Variants in VSIG10 observed in about 807,000 individuals in gnomAD.
VSIG10 encodes the protein V-set and immunoglobulin domain containing 10, also known as V-set and immunoglobulin domain-containing protein 10.
A neutral mutation model predicts 58.7 loss-of-function variants in VSIG10; 48 were observed. The ratio of observed to expected loss-of-function variants is 0.82; its 90% CI spans 0.65 to 1.04. VSIG10 has a LOEUF of 1.04. VSIG10 is among the 50% of genes least tolerant of loss of function. VSIG10 has a pLI of 0.00. For missense variants in VSIG10, 628 were observed against 670.0 expected, an observed-to-expected ratio of 0.94 and a Z score of 0.69; for synonymous variants, 260 against 267.1, an observed-to-expected ratio of 0.97 and a Z score of 0.26.
chr12:118,081,035 G>A (rs748392664), intron 3 of VSIG10, among the ~76,000 whole-genome samples: 2 of 152,076 alleles, frequency 1.3e-5, no homozygotes, highest in Admixed American at 1.3e-4. Flanking sequence ...GAGCTCAGGA[G>A]TTTGAGGCTA....
chr12:118,095,729 G>C lies in VSIG10; in HGVS notation c.165C>G (p.Thr55=). The change falls in exon 2 of 9, where the codon ACC becomes ACG. Residue 55 remains threonine (T), a synonymous_variant. Transcript: ENST00000359236. ...GNISGLRGQV[T]WYRNNSEPVF... ...CAGGCTCCGAGTTGTTCCGGTACCAGGTCACCTGGCCCCTCAGTCCCGAGA... is the reference window on the plus strand; with the variant it reads ...CAGGCTCCGAGTTGTTCCGGTACCACGTCACCTGGCCCCTCAGTCCCGAGA... The C allele has an allele frequency of 6.2e-7, 1 of 1,613,830 alleles. No individual in the cohort carries two copies. The highest frequency in any genetic ancestry group is 8.5e-7 in the Non-Finnish European group (1 of 1,179,846).
At position 118,064,811 on chromosome 12, in the gene VSIG10, A is replaced by G. The variant is rs1438941309; in HGVS notation, c.*1828T>C. The G allele has an allele frequency of 6.6e-6, 1 of 152,150 alleles. No homozygotes were observed. The highest frequency in any genetic ancestry group is 2.4e-5 in the African/African-American group (1 of 41,410). 9.4% of individuals were successfully genotyped at this position (152,150 alleles called of 1,614,324 possible). Reference sequence around the variant, plus strand: ...CTCAGTTTAATCCCTTCATCCAAGAAAACAGACCTTCCCCAACCACACCTG... The same window carrying G: ...CTCAGTTTAATCCCTTCATCCAAGAGAACAGACCTTCCCCAACCACACCTG... On this transcript the variant is annotated 3_prime_UTR_variant, in exon 9 of 9. Transcript: ENST00000359236.
In VSIG10 at chr12:118,096,394, C is replaced by T. The variant is rs568520578; in HGVS notation, c.80-580G>A. Among the ~76,000 whole-genome samples the T allele has an allele frequency of 3.3e-5, 5 of 151,552 alleles. No individual in the cohort carries two copies. The East Asian group carries it at 8.0e-4, about 24-fold the overall frequency. On this transcript the variant is annotated intron_variant, in intron 1 of 8. Coordinates refer to ENST00000359236, the MANE Select transcript of VSIG10 (RefSeq NM_019086.6). ...AGGAGTTCAAGACCAGCCTAACCAACATGCAAAAACCCTGTCTCTACTAAA... is the reference window on the plus strand; with the variant it reads ...AGGAGTTCAAGACCAGCCTAACCAATATGCAAAAACCCTGTCTCTACTAAA...
chr12:118,075,178 ATGTGTGTATATATATATGTG>A (rs1364781239), intron 4 of VSIG10, among the ~76,000 whole-genome samples: 2 of 108,406 alleles, frequency 1.8e-5, no homozygotes, highest in East Asian at 9.8e-4. Flanking sequence ...ATATGTATAT[ATGTGTGTATATATATATGTG>A]TGTGTGTGTA....
intron 4 of VSIG10, 22 bp downstream of exon 4, chr12:118,079,324 A>G: frequency 6.2e-7 from 1 of 1,609,562 alleles, no homozygotes; most frequent in Non-Finnish European, 8.5e-7. Context: ...TCCAACCCCA[A>G]GACAAAGCAA....
chr12:118,073,854 ATGATCACCTCGGGCTGGG>A lies in VSIG10; in HGVS notation c.1046_1063del (p.Thr349_Ile354del), dbSNP rs142627542. The A allele has an allele frequency of 0.026, 41,168 of 1,613,644 alleles. 700 individuals are homozygous for A. The highest frequency in any genetic ancestry group is 0.031 in the Non-Finnish European group (36,577 of 1,179,650). On this transcript the variant is annotated inframe_deletion, in exon 5 of 9. Transcript: ENST00000359236. ...AATGAGATGGCGGCTGCTAGGCTGG[ATGATCACCTCGGGCTGGG>A]TAAGGTTCCTCAGCCACAGGATCTT...
In VSIG10 at chr12:118,079,335, AACAG is replaced by A; in HGVS notation, c.925+7_925+10del. On this transcript the variant is annotated splice_region_variant and intron_variant, in intron 4 of 8. Transcript: ENST00000359236. ...AAACTCCAACCCCAAGACAAAGCAA[AACAG>A]ACTCACTGATCTGCACCATGCAGCT... is the stretch of plus-strand genomic sequence containing the variant. 6.2e-7 allele frequency: 1 copy of A among 1,612,016 alleles called. No homozygotes were observed. The highest frequency in any genetic ancestry group is 8.5e-7 in the Non-Finnish European group (1 of 1,178,270).
rs1030344556 is a variant in VSIG10, at chr12:118,095,923, CTTTTTTTTTT to C, written c.80-119_80-110del. 53 of 757,952 alleles carry C rather than the reference CTTTTTTTTTT, an allele frequency of 7.0e-5. No individual in the cohort carries two copies. The Middle Eastern group carries it at 1.3e-3, about 18-fold the overall frequency. 47.0% of individuals were successfully genotyped at this position (757,952 alleles called of 1,614,324 possible). ...TTTTTTTAAAAATCAGGTATATGTTCTTTTTTTTTTTTTTTTTTTTGAGACGGAGTCCCAC... is the reference window on the plus strand; with the variant it reads ...TTTTTTTAAAAATCAGGTATATGTTCTTTTTTTTTTGAGACGGAGTCCCAC... On this transcript the variant is annotated intron_variant, in intron 1 of 8. Transcript: ENST00000359236.
At chr12:118,096,444 A>G (rs181404862) in intron 1 of VSIG10, among the ~76,000 whole-genome samples, 76 of 151,580 alleles carry the variant, frequency 5.0e-4, no homozygotes, top group Admixed American at 3.1e-3. Context: ...TGGGCGTGGT[A>G]GCACATGCCT....
intron 2 of VSIG10, among the ~76,000 whole-genome samples, chr12:118,089,978 C>A (rs2033244955): frequency 6.6e-6 from 1 of 152,074 alleles, no homozygotes; most frequent in Admixed American, 6.6e-5. Context: ...GGTGCCACAC[C>A]CCTGCTGGAA....
At chr12:118,092,098 G>A (rs2033316725) in intron 2 of VSIG10, among the ~76,000 whole-genome samples, 1 of 151,932 alleles carries the variant, frequency 6.6e-6, no homozygotes, top group Non-Finnish European at 1.5e-5. Context: ...TCACTCTGTA[G>A]CCCAGGGTGG....
rs147622032 is a variant in VSIG10 at position 118,090,571 on chromosome 12, C to T, written c.361+4962G>A. ...TACACACGAGGCGAGGCCCCTGCCA[C>T]GCCGGCCTTCTCCCTATCTGTGAAT... On this transcript the variant is annotated intron_variant, in intron 2 of 8. Coordinates refer to ENST00000359236, the MANE Select transcript of VSIG10 (RefSeq NM_019086.6). 9.5e-3 allele frequency among the ~76,000 whole-genome samples: 1,447 copies of T among 152,280 alleles called. 16 individuals carry two copies. The highest frequency in any genetic ancestry group is 0.02 in the Middle Eastern group (6 of 294).
intron 5 of VSIG10, among the ~76,000 whole-genome samples, chr12:118,072,773 G>A (rs1404478760): frequency 6.6e-6 from 1 of 152,136 alleles, no homozygotes; most frequent in East Asian, 1.9e-4. Flanking sequence ...CCTTTCGAGA[G>A]AGGCCCAAGA....
At chr12:118,069,317 T>C (rs1014107190) in intron 7 of VSIG10, among the ~76,000 whole-genome samples, 2 of 151,676 alleles carry the variant, frequency 1.3e-5, no homozygotes, top group African/African-American at 2.4e-5. Context: ...CTCGAATGCC[T>C]GGCCTCAAGT....
At chr12:118,092,228 C>A (rs927735972) in intron 2 of VSIG10, among the ~76,000 whole-genome samples, 1 of 152,040 alleles carries the variant, frequency 6.6e-6, no homozygotes, top group African/African-American at 2.4e-5. Context: ...CAGCTAATTA[C>A]TATTTTCTAA....
In VSIG10 at chr12:118,082,420, T is replaced by C. The variant is rs2032988377; in HGVS notation, c.371A>G (p.Tyr124Cys). Residue 124 changes from tyrosine to cysteine, a missense_variant, in exon 3 of 9, where the codon TAT becomes TGT. By Grantham distance (194) the Tyr-to-Cys change is radical. Coordinates refer to ENST00000359236, the MANE Select transcript of VSIG10 (RefSeq NM_019086.6). ...QVWLQVASGP[Y>C]QIEVHIVATG... is the part of the protein sequence containing the mutation. ...GGCCACGATGTGGACCTCAATCTGA[T>C]AGGGGCCGCCTGGGGATGACAGGGG... 6.2e-7 allele frequency: 1 copy of C among 1,608,720 alleles called. No homozygotes were observed. Among genetic ancestry groups the C allele is most frequent in the Non-Finnish European group, 8.5e-7 (1 of 1,176,052 alleles).
intron 5 of VSIG10, among the ~76,000 whole-genome samples, chr12:118,072,382 A>G (rs544720313): frequency 8.7e-5 from 13 of 149,052 alleles, no homozygotes; most frequent in East Asian, 4.1e-4. Context: ...GGAGAATGGC[A>G]TGAACCCAGG....
chr12:118,078,317 C>G (rs2032807642), intron 4 of VSIG10, among the ~76,000 whole-genome samples: 1 of 152,064 alleles, frequency 6.6e-6, no homozygotes. Flanking sequence ...CGCCACCACG[C>G]CCAACTAATT....
chr12:118,070,577 AG>A (rs1385474276), intron 7 of VSIG10, among the ~76,000 whole-genome samples: 1 of 151,778 alleles, frequency 6.6e-6, no homozygotes, highest in African/African-American at 2.4e-5. Flanking sequence ...AAAAAGAAAA[AG>A]AAAAAAAAAC....
Sources: gnomAD v4.1 joint callset for allele counts (sites outside exome capture counted in the v4.1 genomes callset) on GRCh38, gnomAD v4.1.1 for gene constraint, MANE v1.5 for transcripts, NCBI Gene and HGNC (gene_info 2026-07-23, HGNC 2026-07-21) for gene names.